The following ZNF410 variants were observed in gnomAD, a reference collection of about 807,000 sequenced individuals.
The protein encoded by ZNF410 is zinc finger protein 410.
In ZNF410, 18 loss-of-function variants were observed where a neutral mutation model predicts 54.8. The ratio of observed to expected loss-of-function variants is 0.33; its 90% CI spans 0.23 to 0.49. ZNF410 has a LOEUF of 0.49. Ranked by LOEUF, ZNF410 falls within the 20% of genes least tolerant of loss-of-function variation. The pLI is 0.99. For missense variants in ZNF410, 405 were observed against 569.6 expected, an observed-to-expected ratio of 0.71 and a Z score of 2.94; for synonymous variants, 191 against 207.3, an observed-to-expected ratio of 0.92 and a Z score of 0.68.
At chr14:73,922,728 A>T (rs1327351800) in intron 10 of ZNF410, 2 of 152,430 alleles carry the variant, frequency 1.3e-5, no homozygotes, top group South Asian at 4.1e-4. Flanking sequence ...TTCAGTGCCT[A>T]CTGTGTGCCT....
chr14:73,920,323 G>A (rs189609427), intron 8 of ZNF410: 1 of 152,180 alleles, frequency 6.6e-6, no homozygotes, highest in East Asian at 1.9e-4. Context: ...ATCTACCCAT[G>A]GCAACAGTTG....
intron 11 of ZNF410, among the ~76,000 whole-genome samples, chr14:73,926,291 C>T (rs1235361809): frequency 6.6e-6 from 1 of 151,874 alleles, no homozygotes; most frequent in Non-Finnish European, 1.5e-5. Flanking sequence ...TCAAAAATAT[C>T]TTATGGTTGG....
In ZNF410 at chr14:73,898,171, A is replaced by C. The variant is rs932124388; in HGVS notation, c.489A>C (p.Pro163=). 6.2e-7 allele frequency: 1 copy of C among 1,614,116 alleles called. No individual in the cohort carries two copies. The highest frequency in any genetic ancestry group is 8.5e-7 in the Non-Finnish European group (1 of 1,180,034). Residue 163 remains proline (P), a synonymous_variant, in exon 5 of 12, where the codon CCA becomes CCC. Transcript: ENST00000555044. ...GTGAGAGCACAGACAGTAGCATTCC[A>C]TGGTTCCTCCGGGTTCAGGAGTTGG... ...LSSESTDSSI[P]WFLRVQELAH... is the part of the protein sequence containing the mutation.
chr14:73,896,653 A>G, intron 4 of ZNF410, 119 bp downstream of exon 4: 2 of 800,662 alleles, frequency 2.5e-6, no homozygotes, highest in East Asian at 5.3e-5. Context: ...TATTTTGGAG[A>G]ATTGGTGTGT....
rs189614991 is a variant in ZNF410, at chr14:73,918,881, G to A, written c.1004-2099G>A. On this transcript the variant is annotated intron_variant, in intron 8 of 11. Coordinates refer to ENST00000555044, the MANE Select transcript of ZNF410 (RefSeq NM_021188.3). Reference sequence around the variant, plus strand: ...GCCCGGCTACCTTTTTGTATTTTTAGTAGAGATGGGGTTTCACCGTGTTAG... The same window carrying A: ...GCCCGGCTACCTTTTTGTATTTTTAATAGAGATGGGGTTTCACCGTGTTAG... Among the ~76,000 whole-genome samples, 408 of 148,294 alleles carry A rather than the reference G, an allele frequency of 2.8e-3. 3 individuals carry two copies. Among genetic ancestry groups the A allele is most frequent in the African/African-American group, 9.7e-3 (391 of 40,266 alleles).
chr14:73,892,714 G>C (rs58204112), intron 2 of ZNF410, among the ~76,000 whole-genome samples: 23,385 of 152,112 alleles, frequency 0.15, 2,366 homozygotes, highest in East Asian at 0.49. Flanking sequence ...TTTGAGGATT[G>C]GCATTGCTCC....
chr14:73,909,961 C>T (rs1202702687), intron 8 of ZNF410, among the ~76,000 whole-genome samples: 1 of 152,158 alleles, frequency 6.6e-6, no homozygotes, highest in Non-Finnish European at 1.5e-5. Flanking sequence ...TTTAGTGACC[C>T]ATTTTCTGTT....
At chr14:73,892,334 C>A in intron 2 of ZNF410, 126 bp downstream of exon 2, 1 of 866,288 alleles carries the variant, frequency 1.2e-6, no homozygotes, top group Non-Finnish European at 1.8e-6. Flanking sequence ...GTTTTTTAAG[C>A]TATATGGTTT....
intron 8 of ZNF410, among the ~76,000 whole-genome samples, chr14:73,915,144 C>T (rs939547995): frequency 6.7e-6 from 1 of 150,282 alleles, no homozygotes; most frequent in Admixed American, 6.6e-5. Context: ...TGACTGTAAT[C>T]CCAGCTATTC....
At chr14:73,909,234 TCA>T (rs896674144) in intron 7 of ZNF410, 105 bp from the exon 8 acceptor site, 1 of 892,942 alleles carries the variant, frequency 1.1e-6, no homozygotes, top group African/African-American at 1.7e-5. Context: ...ATTAAATAAA[TCA>T]GAGTAGGTAA....
chr14:73,921,382 A>G, intron 9 of ZNF410: 1 of 296,816 alleles, frequency 3.4e-6, no homozygotes, highest in Non-Finnish European at 6.2e-6. Context: ...CTGTAGTTTT[A>G]AAAGTTTCCC....
In ZNF410 at chr14:73,900,574, G is replaced by A. The variant is rs111774515; in HGVS notation, c.580+2312G>A. 3.2e-3 allele frequency among the ~76,000 whole-genome samples: 486 copies of A among 152,044 alleles called. 1 individual carries two copies. Among genetic ancestry groups the A allele is most frequent in the African/African-American group, 0.011 (450 of 41,472 alleles). On this transcript the variant is annotated intron_variant, in intron 5 of 11. Coordinates refer to ENST00000555044, the MANE Select transcript of ZNF410 (RefSeq NM_021188.3). ...TTTCTAGTAGACACAGGGTTTCACC[G>A]TGTTGGCCATGGCTGGTCTCAAACT...
chr14:73,929,663 C>T (rs866598288), intron 11 of ZNF410, among the ~76,000 whole-genome samples: 1 of 151,726 alleles, frequency 6.6e-6, no homozygotes, highest in African/African-American at 2.4e-5. Flanking sequence ...ACAGGAAAAC[C>T]CCATGTCTAC....
At chr14:73,930,002 A>T (rs1349683001) in intron 11 of ZNF410, among the ~76,000 whole-genome samples, 1 of 152,190 alleles carries the variant, frequency 6.6e-6, no homozygotes, top group African/African-American at 2.4e-5. Flanking sequence ...ACTAAAGGTC[A>T]TTCTAAATGG....
intron 3 of ZNF410, among the ~76,000 whole-genome samples, chr14:73,894,822 A>C (rs926985936): frequency 6.6e-6 from 1 of 152,106 alleles, no homozygotes; most frequent in Admixed American, 6.6e-5. Context: ...TTAAGATCTG[A>C]GATATTTGAG....
chr14:73,909,246 A>G (rs2140310520), intron 7 of ZNF410, 95 bp from the exon 8 acceptor site: 2 of 989,514 alleles, frequency 2.0e-6, no homozygotes, highest in East Asian at 2.4e-5. Flanking sequence ...AGAGTAGGTA[A>G]GTCATTAGAC....
rs1286254515 is a variant in ZNF410 at position 73,904,986 on chromosome 14, C to T, written c.816C>T (p.Thr272=). The change falls in exon 7 of 12, where the codon ACC becomes ACT. Residue 272 remains threonine (T), a synonymous_variant. Transcript: ENST00000555044. ...VLQRLKVHMR[T]HNGEKPFMCH... is the part of the protein sequence containing the mutation. ...AGAGGCTGAAGGTGCACATGAGGAC[C>T]CACAATGGAGAGAAGCCCTTTATGT... 1 of 1,614,150 alleles carries T rather than the reference C, an allele frequency of 6.2e-7. No individual in the cohort carries two copies.
intron 5 of ZNF410, among the ~76,000 whole-genome samples, chr14:73,899,152 A>G (rs879526059): frequency 2.0e-5 from 3 of 151,750 alleles, no homozygotes; most frequent in Non-Finnish European, 4.4e-5. Context: ...ATTATCTAGT[A>G]TATGCTTATT....
Position 73,892,032 on chromosome 14 carries a change from A to G in ZNF410, c.-144A>G. The G allele has an allele frequency of 1.1e-6, 1 of 926,364 alleles. No individual in the cohort carries two copies. The highest frequency in any genetic ancestry group is 1.8e-6 in the Non-Finnish European group (1 of 560,356). The allele number at this position is 926,364 out of a possible 1,614,324, so 57.4% of individuals were successfully genotyped here. On this transcript the variant is annotated 5_prime_UTR_variant, in exon 2 of 12. Transcript: ENST00000555044. ...CTTTTTTACCCCTATTCTAGGTTACATTGATTACCCACCTAGTACAACATC... is the reference window on the plus strand; with the variant it reads ...CTTTTTTACCCCTATTCTAGGTTACGTTGATTACCCACCTAGTACAACATC...
Sources: allele counts gnomAD v4.1 joint callset (sites outside exome capture counted in the v4.1 genomes callset), GRCh38; gene constraint gnomAD v4.1.1; transcripts MANE v1.5; gene names NCBI Gene and HGNC (gene_info 2026-07-23, HGNC 2026-07-21).